AKAP6: variants seen among roughly 807,000 people sequenced by gnomAD.
The protein encoded by AKAP6 is A-kinase anchoring protein 6.
Under a neutral mutation model 188.5 loss-of-function variants are expected in AKAP6, and 58 were observed. The ratio of observed to expected loss-of-function variants is 0.31; its 90% CI spans 0.25 to 0.38. AKAP6 has a LOEUF of 0.38. AKAP6 is among the 10% of genes least tolerant of loss of function. The pLI is 1.00. For synonymous variants in AKAP6, 989 were observed against 998.6 expected (o/e 0.99, Z 0.18); for missense variants, 2,710 against 2,740.0 (o/e 0.99, Z 0.24).
chr14:32,591,749 T>G (rs1231577392), intron 5 of AKAP6, among the ~76,000 whole-genome samples: 1 of 152,186 alleles, frequency 6.6e-6, no homozygotes, highest in East Asian at 1.9e-4. Flanking sequence ...AGTTCTTTTA[T>G]TTTTTAAAGC....
intron 1 of AKAP6, among the ~76,000 whole-genome samples, chr14:32,408,911 C>T (rs1398752404): frequency 6.6e-6 from 1 of 152,112 alleles, no homozygotes; most frequent in Non-Finnish European, 1.5e-5. Flanking sequence ...TTTATATAGG[C>T]AGGGTGTGGT....
intron 1 of AKAP6, among the ~76,000 whole-genome samples, chr14:32,348,903 G>A (rs1887166510): frequency 5.9e-5 from 9 of 152,170 alleles, no homozygotes. Context: ...CAGCCTGTGA[G>A]TCCCAGGGTC....
intron 2 of AKAP6, among the ~76,000 whole-genome samples, chr14:32,437,253 A>G (rs2138720681): frequency 6.6e-6 from 1 of 152,154 alleles, no homozygotes; most frequent in African/African-American, 2.4e-5. Context: ...CAAGCCTGGG[A>G]GAGGGTTGGG....
intron 8 of AKAP6, among the ~76,000 whole-genome samples, chr14:32,685,914 C>A (rs1889906159): frequency 6.6e-6 from 1 of 152,074 alleles, no homozygotes. Context: ...GGCTACCATA[C>A]AATCCAGCAA....
intron 2 of AKAP6, among the ~76,000 whole-genome samples, chr14:32,502,350 CAA>C (rs988088025): frequency 6.6e-6 from 1 of 152,128 alleles, no homozygotes; most frequent in Non-Finnish European, 1.5e-5. Flanking sequence ...GATTATAACA[CAA>C]GTGTCCATCA....
At chr14:32,621,679 G>GT (rs1363148729) in intron 7 of AKAP6, among the ~76,000 whole-genome samples, 1 of 152,060 alleles carries the variant, frequency 6.6e-6, no homozygotes, top group African/African-American at 2.4e-5. Context: ...GTAAATATCT[G>GT]TTAGGTCTAT....
intron 2 of AKAP6, among the ~76,000 whole-genome samples, chr14:32,531,225 T>A (rs1452437035): frequency 6.6e-6 from 1 of 152,224 alleles, no homozygotes; most frequent in East Asian, 1.9e-4. Flanking sequence ...AAAAATCTTA[T>A]GCAACTTTTA....
chr14:32,715,372 A>G (rs1160248392), intron 9 of AKAP6, among the ~76,000 whole-genome samples: 1 of 152,062 alleles, frequency 6.6e-6, no homozygotes, highest in African/African-American at 2.4e-5. Context: ...TTAGGATACT[A>G]TGGTGTGCTG....
At chr14:32,641,469 T>TAAAAAAAAAA (rs35618540) in intron 7 of AKAP6, among the ~76,000 whole-genome samples, 3 of 119,824 alleles carry the variant, frequency 2.5e-5, no homozygotes, top group Non-Finnish European at 5.3e-5. Flanking sequence ...GAAACCCTGC[T>TAAAAAAAAAA]AAAAAAAAAA....
In AKAP6 at chr14:32,795,132, G is replaced by A. The variant is rs142847140; in HGVS notation, c.3588+21239G>A. On this transcript the variant is annotated intron_variant, in intron 12 of 13. Coordinates refer to ENST00000280979, the MANE Select transcript of AKAP6 (RefSeq NM_004274.5). Reference sequence around the variant, plus strand: ...ACCAATAATGAGTTCTGAAATTGAGGCAGTAATAAATAGCCCACCAACCAA... The same window carrying A: ...ACCAATAATGAGTTCTGAAATTGAGACAGTAATAAATAGCCCACCAACCAA... Among the ~76,000 whole-genome samples, 114 of 152,210 alleles carry A rather than the reference G, an allele frequency of 7.5e-4. No individual in the cohort carries two copies. The Middle Eastern group carries it at 0.014, about 18-fold the overall frequency.
At chr14:32,334,552 C>T (rs543470350) in intron 1 of AKAP6, among the ~76,000 whole-genome samples, 2 of 152,082 alleles carry the variant, frequency 1.3e-5, no homozygotes, top group East Asian at 1.9e-4. Flanking sequence ...TATTGTTAAT[C>T]TCTTATTGTG....
At chr14:32,331,602 C>T (rs1207253513) in intron 1 of AKAP6, among the ~76,000 whole-genome samples, 2 of 152,100 alleles carry the variant, frequency 1.3e-5, no homozygotes, top group South Asian at 4.1e-4. Flanking sequence ...GGGCCACAGC[C>T]TGCGCTGCTC....
chr14:32,484,869 T>C lies in AKAP6; in HGVS notation c.325-50685T>C. ...AATCTAAAGACAGGGGCTAAGCCTCTTTTTACCAGCTCTGAGGTGATTTTC... is the reference window on the plus strand; with the variant it reads ...AATCTAAAGACAGGGGCTAAGCCTCCTTTTACCAGCTCTGAGGTGATTTTC... On this transcript the variant is annotated intron_variant, in intron 2 of 13. Transcript: ENST00000280979. 9.1e-6 allele frequency: 2 copies of C among 220,886 alleles called. 1 individual carries two copies. The highest frequency in any genetic ancestry group is 1.3e-5 in the Non-Finnish European group (2 of 151,548). 13.7% of individuals were successfully genotyped at this position (220,886 alleles called of 1,614,324 possible).
intron 2 of AKAP6, among the ~76,000 whole-genome samples, chr14:32,478,243 C>T (rs1212446109): frequency 6.6e-6 from 1 of 152,174 alleles, no homozygotes; most frequent in East Asian, 1.9e-4. Context: ...CACACACACA[C>T]GTACGTGTGC....
At chr14:32,557,942 A>G (rs1883763444) in intron 4 of AKAP6, among the ~76,000 whole-genome samples, 1 of 152,088 alleles carries the variant, frequency 6.6e-6, no homozygotes, top group Admixed American at 6.5e-5. Context: ...TCAGATTCCA[A>G]ATATGATGAC....
intron 1 of AKAP6, among the ~76,000 whole-genome samples, chr14:32,356,199 A>G (rs543753647): frequency 6.6e-6 from 1 of 152,244 alleles, no homozygotes; most frequent in African/African-American, 2.4e-5. Context: ...ACATTCTCAG[A>G]CTTCCTGAAT....
intron 11 of AKAP6, among the ~76,000 whole-genome samples, chr14:32,769,918 A>G (rs975994985): frequency 6.6e-6 from 1 of 152,208 alleles, no homozygotes; most frequent in Non-Finnish European, 1.5e-5. Context: ...AATATAAGTA[A>G]ATATCTATCT....
intron 4 of AKAP6, among the ~76,000 whole-genome samples, chr14:32,569,267 C>T (rs966629094): frequency 5.9e-5 from 9 of 152,172 alleles, no homozygotes; most frequent in African/African-American, 2.2e-4. Flanking sequence ...CTAAAGCCTT[C>T]TCATTCAACC....
At chr14:32,375,826 C>G (rs1327628430) in intron 1 of AKAP6, 1 of 152,166 alleles carries the variant, frequency 6.6e-6, no homozygotes, top group South Asian at 2.1e-4. Flanking sequence ...GTCATTCAGA[C>G]TTGCCTTAAC....
Sources: gnomAD v4.1 joint callset for allele counts (sites outside exome capture counted in the v4.1 genomes callset) on GRCh38, gnomAD v4.1.1 for gene constraint, MANE v1.5 for transcripts, NCBI Gene and HGNC (gene_info 2026-07-23, HGNC 2026-07-21) for gene names.